The following TSPAN11 variants were observed in gnomAD, a reference collection of about 807,000 sequenced individuals.
TSPAN11 encodes tetraspanin-11.
TSPAN11 carries 29 observed loss-of-function variants against 32.9 expected under a neutral mutation model. The ratio of observed to expected loss-of-function variants is 0.88; its 90% CI spans 0.66 to 1.20. The LOEUF (loss-of-function observed/expected upper bound fraction) is 1.20, where lower values mean the gene tolerates loss of function less well. Ranked by LOEUF, TSPAN11 falls within the 50% of genes most tolerant of loss-of-function variation. The probability of loss-of-function intolerance (pLI) is 0.00; values close to 1 mark genes in which losing one functional copy is unlikely to be tolerated. For synonymous variants in TSPAN11, 140 were observed against 141.3 expected, an observed-to-expected ratio of 0.99 and a Z score of 0.07; for missense variants, 283 against 329.1, an observed-to-expected ratio of 0.86 and a Z score of 1.08.
At chr12:30,984,364 T>A (rs1939157133) in intron 7 of TSPAN11, among the ~76,000 whole-genome samples, 1 of 152,080 alleles carries the variant, frequency 6.6e-6, no homozygotes, top group Non-Finnish European at 1.5e-5. Context: ...GCTCTTAAGG[T>A]CTAAGAATGA....
the TSPAN11 span, among the ~76,000 whole-genome samples, chr12:31,007,823 T>G: frequency 1.3e-5 from 2 of 152,174 alleles, no homozygotes; most frequent in Admixed American, 6.5e-5. Flanking sequence ...GGACAACATG[T>G]CAGTTCCAGG....
chr12:30,973,446 G>A (rs998144868), intron 3 of TSPAN11, among the ~76,000 whole-genome samples: 1 of 152,192 alleles, frequency 6.6e-6, no homozygotes, highest in African/African-American at 2.4e-5. Flanking sequence ...GTGCAGATGA[G>A]TAAGGCACTG....
At chr12:30,977,866 T>C (rs1270101210) in intron 3 of TSPAN11, among the ~76,000 whole-genome samples, 1 of 152,134 alleles carries the variant, frequency 6.6e-6, no homozygotes, top group Admixed American at 6.5e-5. Context: ...TGCAGGGCCA[T>C]GTAGAACAGG....
chr12:30,960,384 C>T (rs1033363017), intron 2 of TSPAN11, among the ~76,000 whole-genome samples: 1 of 152,010 alleles, frequency 6.6e-6, no homozygotes, highest in African/African-American at 2.4e-5. Flanking sequence ...AACTCCCCTC[C>T]GCAGAGGATC....
rs973992404 is a variant in TSPAN11 at position 30,931,825 on chromosome 12, A to T, written c.-12+5029A>T. On this transcript the variant is annotated intron_variant, in intron 1 of 7. Transcript: ENST00000546076. ...AATCTGGGAGATGGAGGTTGCAGTG[A>T]GCCGAGATCGCACCACTGCACTCCA... Among the ~76,000 whole-genome samples, 4 of 140,760 alleles carry T rather than the reference A, an allele frequency of 2.8e-5. No individual in the cohort carries two copies. The East Asian group carries it at 9.4e-4, about 33-fold the overall frequency. The allele number at this position is 140,760 out of a possible 152,430, so 92.3% of individuals were successfully genotyped here.
intron 1 of TSPAN11, among the ~76,000 whole-genome samples, chr12:30,939,251 A>AAC (rs1938109107): frequency 6.6e-6 from 1 of 151,506 alleles, no homozygotes; most frequent in Admixed American, 6.6e-5. Flanking sequence ...AAAAAAAAAA[A>AAC]AAATCCAGAA....
At chr12:30,964,175 G>A (rs150561506) in intron 3 of TSPAN11, among the ~76,000 whole-genome samples, 158 bp downstream of exon 3, 2,668 of 152,216 alleles carry the variant, frequency 0.018, 30 homozygotes, top group Middle Eastern at 0.027. Flanking sequence ...GGTTTGCCAC[G>A]GTCTCCAGGT....
At chr12:30,969,206 C>T (rs972870935) in intron 3 of TSPAN11, among the ~76,000 whole-genome samples, 6 of 152,190 alleles carry the variant, frequency 3.9e-5, no homozygotes, top group Admixed American at 1.3e-4. Flanking sequence ...AAGTAGCTGG[C>T]GCTGGTGGGA....
chr12:31,005,622 A>G, the TSPAN11 span, among the ~76,000 whole-genome samples: 3 of 152,198 alleles, frequency 2.0e-5, no homozygotes, highest in African/African-American at 7.2e-5. Flanking sequence ...CACCACTGAG[A>G]AGGCTGAGGC....
rs778156462 is a variant in TSPAN11 at position 30,979,675 on chromosome 12, G to C, written c.456+5G>C. On this transcript the variant is annotated splice_donor_5th_base_variant and intron_variant, in intron 5 of 7. Coordinates refer to ENST00000546076, the MANE Select transcript of TSPAN11 (RefSeq NM_001370302.1). Reference sequence around the variant, plus strand: ...GTGGACCGACTCCAGCAGGATGTAAGCCATGCCCCATATGGCCTTGAAGGC... The same window carrying C: ...GTGGACCGACTCCAGCAGGATGTAACCCATGCCCCATATGGCCTTGAAGGC... 1.2e-6 allele frequency: 2 copies of C among 1,614,100 alleles called. No homozygotes were observed. Among genetic ancestry groups the C allele is most frequent in the South Asian group, 1.1e-5 (1 of 91,088 alleles).
downstream of TSPAN11, among the ~76,000 whole-genome samples, chr12:31,000,900 A>G (rs903126997): frequency 3.9e-5 from 6 of 152,182 alleles, no homozygotes; most frequent in Admixed American, 3.3e-4. Context: ...AATAGCAAAA[A>G]TGCTGCCTCT....
intron 1 of TSPAN11, among the ~76,000 whole-genome samples, chr12:30,934,558 C>T (rs1259893822): frequency 6.6e-6 from 1 of 152,132 alleles, no homozygotes; most frequent in Non-Finnish European, 1.5e-5. Flanking sequence ...TTTGTCAAAC[C>T]TCTGGCCTGC....
chr12:30,988,253 A>G (rs569229376), intron 7 of TSPAN11, among the ~76,000 whole-genome samples: 1 of 152,328 alleles, frequency 6.6e-6, no homozygotes, highest in Admixed American at 6.5e-5. Context: ...GACTACCTGG[A>G]CCAGAGCCAC....
At chr12:31,016,265 C>A in the TSPAN11 span, among the ~76,000 whole-genome samples, 1 of 152,114 alleles carries the variant, frequency 6.6e-6, no homozygotes, top group Non-Finnish European at 1.5e-5. Context: ...GGGAGTTGGG[C>A]AGCTTGTGTT....
chr12:31,000,882 G>T (rs1169440551), downstream of TSPAN11, among the ~76,000 whole-genome samples: 1 of 152,176 alleles, frequency 6.6e-6, no homozygotes, highest in East Asian at 1.9e-4. Flanking sequence ...TCCTGTTTAT[G>T]CTGGATGAAT....
chr12:30,951,081 T>C (rs1036983239), intron 1 of TSPAN11, among the ~76,000 whole-genome samples: 1 of 152,236 alleles, frequency 6.6e-6, no homozygotes. Flanking sequence ...AGTAAGGATA[T>C]AGAAGACGTG....
intron 1 of TSPAN11, among the ~76,000 whole-genome samples, chr12:30,938,224 C>T (rs2140272905): frequency 6.6e-6 from 1 of 152,308 alleles, no homozygotes; most frequent in East Asian, 1.9e-4. Context: ...ACCTACAGAT[C>T]ACTAAGGCTT....
chr12:30,939,479 G>A (rs776524206), intron 1 of TSPAN11, among the ~76,000 whole-genome samples: 7 of 152,130 alleles, frequency 4.6e-5, no homozygotes, highest in Non-Finnish European at 5.9e-5. Context: ...AGGATGACGC[G>A]CCTTCCTCAG....
chr12:31,007,011 C>T, the TSPAN11 span, among the ~76,000 whole-genome samples: 4 of 152,206 alleles, frequency 2.6e-5, no homozygotes, highest in Non-Finnish European at 5.9e-5. Flanking sequence ...TGCCCATAGC[C>T]GTTCATAGCT....
Sources: gnomAD v4.1 joint callset for allele counts (sites outside exome capture counted in the v4.1 genomes callset) on GRCh38, gnomAD v4.1.1 for gene constraint, MANE v1.5 for transcripts, NCBI Gene and HGNC (gene_info 2026-07-23, HGNC 2026-07-21) for gene names.